The following RIC1 variants were observed in gnomAD, a reference collection of about 807,000 sequenced individuals.
The protein encoded by RIC1 is RIC1 partner of RAB6A GEF complex.
RIC1 carries 88 observed loss-of-function variants against 169.0 expected under a neutral mutation model. That is an observed-to-expected ratio of 0.52 (90% CI 0.44 to 0.62). The LOEUF is 0.62. Among genes scored for constraint, RIC1 ranks in the 20% least tolerant of loss-of-function variants. The pLI is 0.00. For synonymous variants in RIC1, 790 were observed against 601.5 expected, an observed-to-expected ratio of 1.31 and a Z score of -4.59; for missense variants, 1,877 against 1,725.5, an observed-to-expected ratio of 1.09 and a Z score of -1.56.
rs773889558 is a variant in RIC1 at position 5,772,971 on chromosome 9, A to G, written c.3874A>G (p.Ile1292Val). The change falls in exon 25 of 26, where the codon ATA becomes GTA. Residue 1292 changes from isoleucine (I) to valine (V), a missense_variant. Ile to Val is a conservative substitution (Grantham distance 29). Transcript: ENST00000414202. Reference protein sequence around the residue: ...VIGLILRESSIINQILVITQS... With the variant: ...VIGLILRESSVINQILVITQS... ...AGGCCTGATTCTTAGAGAATCCTCA[A>G]TAATCAATCAGATTTTGGTTATTAC... is the stretch of plus-strand genomic sequence containing the variant. The G allele has an allele frequency of 1.4e-5, 23 of 1,613,686 alleles. No individual in the cohort carries two copies. In the South Asian group the frequency reaches 2.0e-4, roughly 14 times the overall value.
downstream of RIC1, among the ~76,000 whole-genome samples, chr9:5,778,117 A>G (rs1036981269): frequency 6.6e-6 from 1 of 152,068 alleles, no homozygotes; most frequent in Non-Finnish European, 1.5e-5. Flanking sequence ...TGGGTTTTTA[A>G]TGTCTTTTAA....
chr9:5,733,199 C>G (rs952273442), intron 7 of RIC1, among the ~76,000 whole-genome samples: 2 of 150,132 alleles, frequency 1.3e-5, no homozygotes, highest in Non-Finnish European at 3.0e-5. Flanking sequence ...CTTGGTTGTT[C>G]TATAGAACAT....
chr9:5,667,912 C>G (rs1326412665), intron 2 of RIC1, among the ~76,000 whole-genome samples: 2 of 152,102 alleles, frequency 1.3e-5, no homozygotes, highest in East Asian at 1.9e-4. Flanking sequence ...GCACCCCACT[C>G]TCTGCAGTAC....
At chr9:5,650,118 A>G (rs981594262) in intron 1 of RIC1, among the ~76,000 whole-genome samples, 5 of 152,094 alleles carry the variant, frequency 3.3e-5, no homozygotes, top group African/African-American at 1.2e-4. Context: ...GTACACAGGC[A>G]TGGTGTTAGC....
intron 12 of RIC1, chr9:5,748,598 A>G (rs149150471): frequency 6.6e-6 from 1 of 152,584 alleles, no homozygotes; most frequent in African/African-American, 2.4e-5. Context: ...TTTCTCTGCT[A>G]TTTTCATTTC....
chr9:5,675,113 G>A (rs980590335), intron 2 of RIC1, among the ~76,000 whole-genome samples: 11 of 152,212 alleles, frequency 7.2e-5, no homozygotes, highest in African/African-American at 2.4e-4. Context: ...CCTGACGCAC[G>A]TGGCCCCTGC....
At chr9:5,725,606 G>T (rs1444164406) in intron 6 of RIC1, among the ~76,000 whole-genome samples, 1 of 152,002 alleles carries the variant, frequency 6.6e-6, no homozygotes, top group Non-Finnish European at 1.5e-5. Context: ...GCTAGCTTTT[G>T]AATGTGTCTG....
chr9:5,777,075 G>T (rs1827629866), downstream of RIC1, among the ~76,000 whole-genome samples: 1 of 152,106 alleles, frequency 6.6e-6, no homozygotes, highest in African/African-American at 2.4e-5. Context: ...ATGAAGTAGT[G>T]TCTCATCATA....
intron 1 of RIC1, among the ~76,000 whole-genome samples, chr9:5,635,518 CCATT>C (rs1817930850): frequency 6.6e-6 from 1 of 152,108 alleles, no homozygotes; most frequent in Admixed American, 6.6e-5. Flanking sequence ...TTTCTGGACT[CCATT>C]CTGTTGCATT....
At chr9:5,657,613 C>G (rs1819177524) in intron 2 of RIC1, among the ~76,000 whole-genome samples, 1 of 152,024 alleles carries the variant, frequency 6.6e-6, no homozygotes, top group Non-Finnish European at 1.5e-5. Context: ...TTACTATATC[C>G]TTATATCTAA....
At chr9:5,725,490 A>G (rs892123528) in intron 6 of RIC1, among the ~76,000 whole-genome samples, 2 of 151,816 alleles carry the variant, frequency 1.3e-5, no homozygotes, top group Non-Finnish European at 2.9e-5. Flanking sequence ...CAATTTCGTC[A>G]GTCTTTTCAA....
chr9:5,671,785 C>A (rs140437260), intron 2 of RIC1, among the ~76,000 whole-genome samples: 3 of 152,102 alleles, frequency 2.0e-5, no homozygotes, highest in African/African-American at 7.2e-5. Context: ...ATCAAGATAT[C>A]AAGTTCTTTA....
At position 5,763,875 on chromosome 9, in the gene RIC1, A is replaced by G. The variant is rs551690967; in HGVS notation, c.2841+7A>G. 5 of 1,595,480 alleles carry G rather than the reference A, an allele frequency of 3.1e-6. No individual in the cohort carries two copies. In the African/African-American group the frequency reaches 4.0e-5, roughly 13 times the overall value. ...TTACCTTATTATCTTACAGGTAACA[A>G]TTCTCTTCTTATAAAGGGGCAAGAA... On this transcript the variant is annotated splice_region_variant and intron_variant, in intron 19 of 25. Coordinates refer to ENST00000414202, the MANE Select transcript of RIC1 (RefSeq NM_020829.4). The surrounding 1 kb of genome is among the most constrained non-coding windows in gnomAD (Gnocchi z 5.2).
intron 6 of RIC1, among the ~76,000 whole-genome samples, chr9:5,721,574 G>A (rs767115095): frequency 2.6e-5 from 4 of 152,144 alleles, no homozygotes; most frequent in African/African-American, 4.8e-5. Context: ...ACGGCAAACG[G>A]GCAGTTATTT....
At chr9:5,663,697 G>T (rs1043009446) in intron 2 of RIC1, among the ~76,000 whole-genome samples, 2 of 152,076 alleles carry the variant, frequency 1.3e-5, no homozygotes, top group Non-Finnish European at 2.9e-5. Flanking sequence ...TTTGGGATGT[G>T]TGTCTTTGCA....
At chr9:5,760,040 T>C (rs1826235140) in intron 17 of RIC1, among the ~76,000 whole-genome samples, 1 of 152,176 alleles carries the variant, frequency 6.6e-6, no homozygotes, top group Non-Finnish European at 1.5e-5. Context: ...GAAGTTAAAA[T>C]TGACTGATTA....
chr9:5,738,443 T>A lies in RIC1; in HGVS notation c.813-7T>A. The A allele has an allele frequency of 6.3e-7, 1 of 1,582,824 alleles. No individual in the cohort carries two copies. The highest frequency in any genetic ancestry group is 8.6e-7 in the Non-Finnish European group (1 of 1,165,452). The stretch of plus-strand genomic sequence containing the variant: ...TCACTAAAAGTTTTTCGTTGTTGTT[T>A]TCACAGTGGTTCTGTGCAGGTCTAT... On this transcript the variant is annotated splice_region_variant and splice_polypyrimidine_tract_variant and intron_variant, in intron 7 of 25. Transcript: ENST00000414202.
Position 5,773,008 on chromosome 9 carries a change from A to C in RIC1, c.3911A>C (p.Glu1304Ala). Residue 1304 changes from glutamate to alanine, a missense_variant, in exon 25 of 26, where the codon GAG (glutamate) becomes GCG (alanine). Glu to Ala is a moderately radical substitution (Grantham distance 107). This residue lies in a region of RIC1 where 681 missense variants were observed against 582.0 expected (regional missense o/e 1.17). Transcript: ENST00000414202. ...ATTTTGGTTATTACACAGTCTTCAG[A>C]GGTAGATGGAGAGATGTTACAGAAC... ...NQILVITQSS[E>A]VDGEMLQNIK... is the part of the protein sequence containing the mutation. The C allele has an allele frequency of 1.2e-6, 2 of 1,613,666 alleles. No homozygotes were observed. The highest frequency in any genetic ancestry group is 1.7e-6 in the Non-Finnish European group (2 of 1,179,742).
At chr9:5,686,307 G>A (rs1175766777) in intron 2 of RIC1, among the ~76,000 whole-genome samples, 2 of 151,902 alleles carry the variant, frequency 1.3e-5, no homozygotes, top group African/African-American at 2.4e-5. Context: ...AAATCATGCC[G>A]CTATAAAGAC....
Sources: allele counts gnomAD v4.1 joint callset (sites outside exome capture counted in the v4.1 genomes callset), GRCh38; gene constraint gnomAD v4.1.1; regional missense constraint gnomAD v4.1.1; non-coding constraint Gnocchi (gnomAD v3.1); transcripts MANE v1.5; gene names NCBI Gene and HGNC (gene_info 2026-07-23, HGNC 2026-07-21).